The following FRMD5 variants were observed in gnomAD, a reference collection of about 807,000 sequenced individuals.
FRMD5 encodes the protein FERM domain containing 5, also known as FERM domain-containing protein 5.
Under a neutral mutation model 69.0 loss-of-function variants are expected in FRMD5, and 20 were observed. That is an observed-to-expected ratio of 0.29 (90% confidence interval 0.20 to 0.42). FRMD5 has a LOEUF of 0.42. Ranked by LOEUF, FRMD5 falls within the 10% of genes least tolerant of loss-of-function variation. The pLI is 1.00. For synonymous variants in FRMD5, 271 were observed against 260.1 expected (o/e 1.04, Z -0.40); for missense variants, 595 against 708.6 (o/e 0.84, Z 1.82).
chr15:43,897,804 G>A (rs2088950152), intron 7 of FRMD5, among the ~76,000 whole-genome samples: 1 of 152,138 alleles, frequency 6.6e-6, no homozygotes, highest in Admixed American at 6.5e-5. Context: ...ATGTGACAGG[G>A]GAGGGACCTG....
chr15:43,886,537 G>C (rs1053705830), intron 10 of FRMD5, among the ~76,000 whole-genome samples: 1 of 152,212 alleles, frequency 6.6e-6, no homozygotes, highest in Non-Finnish European at 1.5e-5. Flanking sequence ...AGCTCAGAGA[G>C]AAGCCTCCTA....
chr15:44,081,814 G>C (rs565271772), intron 1 of FRMD5, among the ~76,000 whole-genome samples: 1 of 152,040 alleles, frequency 6.6e-6, no homozygotes, highest in Admixed American at 6.6e-5. Context: ...CATAACCAGT[G>C]AAAGTTTCTA....
rs1160951982 is a variant in FRMD5 at position 44,139,492 on chromosome 15, G to C, written c.102+55461C>G. 4.0e-5 allele frequency among the ~76,000 whole-genome samples: 6 copies of C among 151,886 alleles called. No homozygotes were observed. The South Asian group carries it at 1.2e-3, about 31-fold the overall frequency. ...TAAGCCAAAATGATGCAGAAAGTTT[G>C]AAAATAGACAGTGAAAAATATATCA... On this transcript the variant is annotated intron_variant, in intron 1 of 13. Coordinates refer to ENST00000417257, the MANE Select transcript of FRMD5 (RefSeq NM_032892.5).
intron 1 of FRMD5, among the ~76,000 whole-genome samples, chr15:43,994,597 AT>A (rs1255540971): frequency 6.6e-6 from 1 of 151,164 alleles, no homozygotes; most frequent in East Asian, 1.9e-4. Flanking sequence ...CACCCAGCTA[AT>A]TTTTTTATTT....
intron 4 of FRMD5, among the ~76,000 whole-genome samples, chr15:43,912,361 C>T (rs568212157): frequency 9.2e-5 from 14 of 152,236 alleles, no homozygotes; most frequent in Admixed American, 8.5e-4. Flanking sequence ...AAATCAAGCT[C>T]GTCTTCACTC....
intron 11 of FRMD5, 111 bp downstream of exon 11, chr15:43,885,570 A>C: frequency 1.1e-6 from 1 of 878,960 alleles, no homozygotes; most frequent in South Asian, 1.4e-5. Context: ...GAGACCTCAG[A>C]CTTTTCTGAG....
chr15:43,959,441 G>A lies in FRMD5; in HGVS notation c.103-35132C>T, dbSNP rs374632353. On this transcript the variant is annotated intron_variant, in intron 1 of 13. Coordinates refer to ENST00000417257, the MANE Select transcript of FRMD5 (RefSeq NM_032892.5). Reference sequence around the variant, plus strand: ...AGTGTTAGCAAAGCTGACATTATGCGCCTGAAAATAATCATAATTTAGATT... The same window carrying A: ...AGTGTTAGCAAAGCTGACATTATGCACCTGAAAATAATCATAATTTAGATT... Among the ~76,000 whole-genome samples, 16 of 152,280 alleles carry A rather than the reference G, an allele frequency of 1.1e-4. No homozygotes were observed. In the East Asian group the frequency reaches 2.9e-3, roughly 28 times the overall value.
intron 4 of FRMD5, among the ~76,000 whole-genome samples, chr15:43,912,788 T>A (rs1052048544): frequency 2.1e-5 from 3 of 144,996 alleles, no homozygotes; most frequent in Non-Finnish European, 3.0e-5. Context: ...GAGGTCGAGG[T>A]GGGTGGATCA....
At chr15:44,071,813 T>C (rs773827216) in intron 1 of FRMD5, among the ~76,000 whole-genome samples, 4 of 152,224 alleles carry the variant, frequency 2.6e-5, no homozygotes, top group Non-Finnish European at 5.9e-5. Flanking sequence ...AAAATATTTT[T>C]AAAATCGTTT....
chr15:43,904,400 G>A (rs645238), intron 6 of FRMD5, among the ~76,000 whole-genome samples: 2 of 151,860 alleles, frequency 1.3e-5, no homozygotes, highest in Admixed American at 6.6e-5. Context: ...ACAGGGTCTC[G>A]CTCTGTGGCC....
chr15:44,092,872 G>A (rs2076492415), intron 1 of FRMD5, among the ~76,000 whole-genome samples: 1 of 150,782 alleles, frequency 6.6e-6, no homozygotes, highest in Non-Finnish European at 1.5e-5. Context: ...ACTGTCCTCG[G>A]AAACTTTTAT....
intron 1 of FRMD5, among the ~76,000 whole-genome samples, chr15:44,099,531 TG>T (rs548267999): frequency 1.3e-3 from 199 of 152,308 alleles, no homozygotes; most frequent in African/African-American, 4.6e-3. Context: ...ACTGCAATCA[TG>T]GGTTCTGGAG....
At chr15:44,147,713 G>A (rs75491261) in intron 1 of FRMD5, among the ~76,000 whole-genome samples, 1,713 of 152,250 alleles carry the variant, frequency 0.011, 23 homozygotes, top group African/African-American at 0.038. Context: ...TCTGTCTGAT[G>A]TAACTATTTT....
intron 1 of FRMD5, among the ~76,000 whole-genome samples, chr15:43,966,271 C>G (rs2090293411): frequency 6.6e-6 from 1 of 151,918 alleles, no homozygotes; most frequent in South Asian, 2.1e-4. Flanking sequence ...ACTTGGGAGG[C>G]TGAGGTGGGA....
intron 1 of FRMD5, among the ~76,000 whole-genome samples, chr15:44,100,679 G>C (rs986589755): frequency 3.9e-5 from 6 of 152,146 alleles, no homozygotes; most frequent in Admixed American, 3.9e-4. Context: ...AGTGCAAGGA[G>C]GTGCTATCTC....
intron 1 of FRMD5, among the ~76,000 whole-genome samples, chr15:44,156,207 G>A (rs1314548404): frequency 6.6e-6 from 1 of 151,458 alleles, no homozygotes; most frequent in African/African-American, 2.4e-5. Flanking sequence ...GCAGTGGCAT[G>A]ATCTCGGCTC....
chr15:44,190,067 G>C (rs1223292869), intron 1 of FRMD5, among the ~76,000 whole-genome samples: 1 of 152,192 alleles, frequency 6.6e-6, no homozygotes, highest in Non-Finnish European at 1.5e-5. Flanking sequence ...AAGCAGCACT[G>C]TCCTTCCTGG....
At chr15:44,120,533 A>AT (rs397961745) in intron 1 of FRMD5, among the ~76,000 whole-genome samples, 7,984 of 137,704 alleles carry the variant, frequency 0.058, 759 homozygotes, top group African/African-American at 0.17. Context: ...GGAAGAGTGG[A>AT]TTTTTTTTTT....
intron 1 of FRMD5, among the ~76,000 whole-genome samples, chr15:44,017,372 C>T (rs1031524692): frequency 7.9e-5 from 12 of 151,658 alleles, no homozygotes; most frequent in Admixed American, 5.9e-4. Flanking sequence ...TACCATGGCA[C>T]CCGACCTCTG....
Sources: gnomAD v4.1 joint callset for allele counts (sites outside exome capture counted in the v4.1 genomes callset) on GRCh38, gnomAD v4.1.1 for gene constraint, MANE v1.5 for transcripts, NCBI Gene and HGNC (gene_info 2026-07-23, HGNC 2026-07-21) for gene names.